The following PLCB3 variants were observed in gnomAD, a reference collection of about 807,000 sequenced individuals.
PLCB3 encodes 1-phosphatidylinositol 4,5-bisphosphate phosphodiesterase beta-3.
A neutral mutation model predicts 152.1 loss-of-function variants in PLCB3; 54 were observed. The observed-to-expected ratio is 0.36, with a 90% CI of 0.29 to 0.45. PLCB3 has a LOEUF of 0.45. Ranked by LOEUF, PLCB3 falls within the 20% of genes least tolerant of loss-of-function variation. The pLI is 1.00. For synonymous variants in PLCB3, 717 were observed against 698.7 expected (o/e 1.03, Z -0.41); for missense variants, 1,248 against 1,687.5 (o/e 0.74, Z 4.56).
rs768133290 is a variant in PLCB3 at position 64,258,930 on chromosome 11, T to C, written c.1299T>C (p.Phe433=). Residue 433 remains phenylalanine (F), a synonymous_variant, in exon 12 of 31, where the codon TTT becomes TTC. Coordinates refer to ENST00000279230, the MANE Select transcript of PLCB3 (RefSeq NM_000932.5). The surrounding 1 kb of genome is among the most constrained non-coding windows in gnomAD (Gnocchi z 7.2). Reference sequence around the variant, plus strand: ...TGGCTGAGTACTGCCGCTCCATCTTTGGAGACGCGCTACTCATCGAGCCTC... The same window carrying C: ...TGGCTGAGTACTGCCGCTCCATCTTCGGAGACGCGCTACTCATCGAGCCTC... ...AKMAEYCRSI[F]GDALLIEPLD... The C allele has an allele frequency of 2.5e-6, 4 of 1,613,916 alleles. No individual in the cohort carries two copies. Among genetic ancestry groups the C allele is most frequent in the South Asian group, 2.2e-5 (2 of 91,086 alleles).
chr11:64,260,326 C>A, intron 14 of PLCB3, 92 bp downstream of exon 14: 1 of 875,338 alleles, frequency 1.1e-6, no homozygotes, highest in Non-Finnish European at 1.8e-6. Context: ...GACATCACCC[C>A]TGCCTCCTGG....
In PLCB3 at chr11:64,265,171, C is replaced by T. The variant is rs2135065301; in HGVS notation, c.2807-21C>T. On this transcript the variant is annotated intron_variant, in intron 23 of 30. Transcript: ENST00000279230. ...CCCCCCACCCTGTCCTCCAGCTCCTCACAGGGCCTCTGCTCCCCAGGGCAG... is the reference window on the plus strand; with the variant it reads ...CCCCCCACCCTGTCCTCCAGCTCCTTACAGGGCCTCTGCTCCCCAGGGCAG... The T allele has an allele frequency of 2.5e-6, 4 of 1,585,434 alleles. No homozygotes were observed. In the East Asian group the frequency reaches 9.1e-5, roughly 36 times the overall value.
At position 64,266,113 on chromosome 11, in the gene PLCB3, C is replaced by G. The variant is rs2032107558; in HGVS notation, c.3190-13C>G. On this transcript the variant is annotated splice_polypyrimidine_tract_variant and intron_variant, in intron 26 of 30. Transcript: ENST00000279230. This position sits in a 1 kb window ranked among gnomAD's most constrained non-coding sequence, Gnocchi z 4.9. ...TCAGCCCGGCATCACCTGTCAGCTC[C>G]CTGTGTCCACAGGCTCTGCAGCGGC... The G allele has an allele frequency of 1.2e-6, 2 of 1,614,048 alleles. No individual in the cohort carries two copies. The highest frequency in any genetic ancestry group is 3.3e-5 in the Admixed American group (2 of 60,024).
rs5792316 is a variant in PLCB3, at chr11:64,256,997, C to CTTTTTTTTTTTTTTTTTTTTTTTTTTTT, written c.1012+257_1012+258insTTTTTTTTTTTTTTTTTTTTTTTTTTTT. Among the ~76,000 whole-genome samples the CTTTTTTTTTTTTTTTTTTTTTTTTTTTT allele has an allele frequency of 1.1e-4, 7 of 61,584 alleles. 1 individual carries two copies. Among genetic ancestry groups the CTTTTTTTTTTTTTTTTTTTTTTTTTTTT allele is most frequent in the Admixed American group, 4.5e-4 (2 of 4,450 alleles). 40.4% of individuals were successfully genotyped at this position (61,584 alleles called of 152,430 possible). ...CTGCAGCAGGAGAGACTTCAGGGTC[C>CTTTTTTTTTTTTTTTTTTTTTTTTTTTT]TTTTTTTTTTTTTTTTTTTTTTTTG... On this transcript the variant is annotated intron_variant, in intron 10 of 30. Transcript: ENST00000279230.
intron 14 of PLCB3, among the ~76,000 whole-genome samples, chr11:64,260,772 C>CA (rs10689916): frequency 0.41 from 29,597 of 71,696 alleles, 7,316 homozygotes; most frequent in African/African-American, 0.67. Flanking sequence ...GACACTATCT[C>CA]AAAAAAAAAA....
rs143280611 is a variant in PLCB3 at position 64,261,475 on chromosome 11, A to G, written c.1807A>G (p.Lys603Glu). 21 of 1,613,980 alleles carry G rather than the reference A, an allele frequency of 1.3e-5. No homozygotes were observed. Among genetic ancestry groups the G allele is most frequent in the African/African-American group, 9.3e-5 (7 of 74,912 alleles). ...CAACTACATCGAACCTGTCAAGTTC[A>G]AGTCCTTTGAGGCTGCTCGAAGTGA... ...LVNYIEPVKF[K>E]SFEAARKRNK... Residue 603 changes from lysine to glutamate, a missense_variant, in exon 15 of 31, where the codon AAG (lysine) becomes GAG (glutamate). Lys to Glu is a moderately conservative substitution (Grantham distance 56, BLOSUM62 1). This residue lies in a region of PLCB3 where 244 missense variants were observed against 424.4 expected (regional missense o/e 0.57). Transcript: ENST00000279230.
At chr11:64,254,530 G>A (rs1291130498) in intron 2 of PLCB3, 38 bp downstream of exon 2, 1 of 1,592,670 alleles carries the variant, frequency 6.3e-7, no homozygotes, top group South Asian at 1.1e-5. Context: ...TCAGGCCAAG[G>A]ACCCCTGTCC....
At chr11:64,264,474 CA>C (rs1484707952) in intron 22 of PLCB3, among the ~76,000 whole-genome samples, 1 of 152,098 alleles carries the variant, frequency 6.6e-6, no homozygotes, top group African/African-American at 2.4e-5. Flanking sequence ...CTTCCAGATC[CA>C]GTCCCCCCAG....
chr11:64,256,354 C>T (rs1159308530), intron 8 of PLCB3, 22 bp from the exon 9 acceptor site: 1 of 1,609,936 alleles, frequency 6.2e-7, no homozygotes. Flanking sequence ...TCCATCCTGA[C>T]CCAGCTTCCT....
rs373376477 is a variant in PLCB3, at chr11:64,261,574, C to T, written c.1829-7C>T. ...GGTCTGACGCCCTTTCTTGGCTCAC[C>T]CCTAAGAGAGGAACAAATGCTTCGA... is the stretch of plus-strand genomic sequence containing the variant. On this transcript the variant is annotated splice_region_variant and splice_polypyrimidine_tract_variant and intron_variant, in intron 15 of 30. Transcript: ENST00000279230. 1.2e-6 allele frequency: 2 copies of T among 1,613,968 alleles called. No homozygotes were observed. Among genetic ancestry groups the T allele is most frequent in the South Asian group, 1.1e-5 (1 of 91,078 alleles).
chr11:64,255,735 G>T lies in PLCB3; in HGVS notation c.612G>T (p.Arg204=). 1 of 1,614,012 alleles carries T rather than the reference G, an allele frequency of 6.2e-7. No individual in the cohort carries two copies. The highest frequency in any genetic ancestry group is 8.5e-7 in the Non-Finnish European group (1 of 1,179,932). The change falls in exon 8 of 31, where the codon CGG becomes CGT. Residue 204 remains arginine, a synonymous_variant. Transcript: ENST00000279230. This position sits in a 1 kb window ranked among gnomAD's most constrained non-coding sequence, Gnocchi z 6.8. The part of the protein sequence containing the change: ...GLKFNRSESI[R]PDEFSLEIFE... The stretch of plus-strand genomic sequence containing the variant: ...TCGACCTCCAGAGTGAGTCCATCCG[G>T]CCTGATGAGTTTTCCTTGGAAATCT...
Position 64,265,920 on chromosome 11 carries a change from G to A in PLCB3, c.3070G>A (p.Gly1024Arg), listed in dbSNP as rs369629062. The change falls in exon 26 of 31, where the codon GGG (glycine) becomes AGG (arginine). Residue 1024 changes from glycine to arginine, a missense_variant. Gly to Arg is a moderately radical substitution (Grantham distance 125). Around this residue, in one of 6 missense-constraint regions of PLCB3, gnomAD observed 477 missense variants for 489.6 expected, o/e 0.97. Transcript: ENST00000279230. The part of the protein sequence containing the change: ...GAADVEDTKE[G>R]EDEAKRYQEF... ...CGCTGATGTGGAGGACACGAAGGAG[G>A]GGGAGGACGAGGCAAAGCGGTATCA... The A allele has an allele frequency of 7.4e-6, 12 of 1,613,366 alleles. No homozygotes were observed. Among genetic ancestry groups the A allele is most frequent in the Non-Finnish European group, 1.0e-5 (12 of 1,180,010 alleles).
chr11:64,265,147 C>G, intron 23 of PLCB3, 43 bp downstream of exon 23: 2 of 1,557,478 alleles, frequency 1.3e-6, no homozygotes, highest in Non-Finnish European at 1.7e-6. Context: ...AGGGAGGCAC[C>G]CCCCACCCTG....
chr11:64,254,741 C>G lies in PLCB3; in HGVS notation c.178-7C>G. On this transcript the variant is annotated splice_region_variant and splice_polypyrimidine_tract_variant and intron_variant, in intron 2 of 30. Coordinates refer to ENST00000279230, the MANE Select transcript of PLCB3 (RefSeq NM_000932.5). ...TCATACTCAGCCTGGCATCTGGTTCCCCCCAGGAGGTGGACACACTGGACA... is the reference window on the plus strand; with the variant it reads ...TCATACTCAGCCTGGCATCTGGTTCGCCCCAGGAGGTGGACACACTGGACA... The G allele has an allele frequency of 1.9e-6, 3 of 1,612,298 alleles. No homozygotes were observed. The highest frequency in any genetic ancestry group is 2.5e-6 in the Non-Finnish European group (3 of 1,179,652).
At position 64,266,221 on chromosome 11, in the gene PLCB3, C is replaced by T; in HGVS notation, c.3266+19C>T. ...ACGAGAGGTGAAAGCCGAGGATTGT[C>T]TATGGGAAGGGCTGGGGACTTCTAG... On this transcript the variant is annotated intron_variant, in intron 27 of 30. Transcript: ENST00000279230. This position sits in a 1 kb window ranked among gnomAD's most constrained non-coding sequence, Gnocchi z 4.9. The T allele has an allele frequency of 6.2e-7, 1 of 1,613,928 alleles. No individual in the cohort carries two copies. Among genetic ancestry groups the T allele is most frequent in the South Asian group, 1.1e-5 (1 of 91,060 alleles).
chr11:64,263,983 CTCTG>C, intron 21 of PLCB3, 34 bp from the exon 22 acceptor site: 4 of 1,498,500 alleles, frequency 2.7e-6, no homozygotes, highest in South Asian at 1.2e-5. Context: ...GGCCTGGGGG[CTCTG>C]TCTCTGAGAC....
At chr11:64,261,106 A>T (rs960951276) in intron 14 of PLCB3, among the ~76,000 whole-genome samples, 6 of 152,240 alleles carry the variant, frequency 3.9e-5, no homozygotes, top group South Asian at 4.1e-4. Context: ...GAGGTTCCAG[A>T]CCAGCCTGGC....
chr11:64,267,623 T>G lies in PLCB3; in HGVS notation c.*67T>G. 1 of 951,276 alleles carries G rather than the reference T, an allele frequency of 1.1e-6. No individual in the cohort carries two copies. The highest frequency in any genetic ancestry group is 1.5e-6 in the Non-Finnish European group (1 of 653,084). The allele number at this position is 951,276 out of a possible 1,614,324, so 58.9% of individuals were successfully genotyped here. ...GGTGGAGGGCAGGAGGCAATGACAC[T>G]AATGCTTTTTTTTTTTTTTTTTAAC... On this transcript the variant is annotated 3_prime_UTR_variant, in exon 31 of 31. Transcript: ENST00000279230. This position sits in a 1 kb window ranked among gnomAD's most constrained non-coding sequence, Gnocchi z 5.2.
chr11:64,269,069 G>T, downstream of PLCB3: 1 of 152,538 alleles, frequency 6.6e-6, no homozygotes. Flanking sequence ...GTCCACTGAG[G>T]GACACACTCC....
Sources: allele counts gnomAD v4.1 joint callset (sites outside exome capture counted in the v4.1 genomes callset), GRCh38; gene constraint gnomAD v4.1.1; regional missense constraint gnomAD v4.1.1; non-coding constraint Gnocchi (gnomAD v3.1); transcripts MANE v1.5; gene names NCBI Gene and HGNC (gene_info 2026-07-23, HGNC 2026-07-21).